Variants in KIF26B observed in about 807,000 individuals in gnomAD.
KIF26B encodes the protein kinesin family member 26B.
Under a neutral mutation model 151.2 loss-of-function variants are expected in KIF26B, and 63 were observed. That is an observed-to-expected ratio of 0.42 (90% CI 0.34 to 0.51). KIF26B has a LOEUF of 0.51. Ranked by LOEUF, KIF26B falls within the 20% of genes least tolerant of loss-of-function variation. KIF26B has a pLI of 0.07. For synonymous variants in KIF26B, 1,357 were observed against 1,262.1 expected (o/e 1.08, Z -1.59); for missense variants, 2,813 against 2,913.6 (o/e 0.97, Z 0.79).
chr1:245,285,408 C>T (rs1463244854), intron 2 of KIF26B, among the ~76,000 whole-genome samples: 17 of 152,164 alleles, frequency 1.1e-4, no homozygotes, highest in Admixed American at 1.1e-3. Flanking sequence ...GCGGCAAAGT[C>T]ACATGGCAGA....
intron 9 of KIF26B, chr1:245,614,995 C>T (rs1231143753): frequency 7.4e-6 from 1 of 134,428 alleles, no homozygotes; most frequent in African/African-American, 3.5e-5. Context: ...CCTTTAAAAT[C>T]GGATAGGGAT....
intron 2 of KIF26B, among the ~76,000 whole-genome samples, chr1:245,331,157 C>T (rs145369780): frequency 2.0e-5 from 3 of 152,130 alleles, no homozygotes; most frequent in African/African-American, 7.2e-5. Context: ...AGAGCAGAGC[C>T]TGCTGCGGAG....
intron 12 of KIF26B, among the ~76,000 whole-genome samples, chr1:245,692,120 C>T (rs2044632528): frequency 6.6e-6 from 1 of 152,262 alleles, no homozygotes; most frequent in South Asian, 2.1e-4. Context: ...GATGTCTTTT[C>T]CTTAGAGCAA....
At chr1:245,324,620 G>A (rs2102988450) in intron 2 of KIF26B, among the ~76,000 whole-genome samples, 1 of 152,156 alleles carries the variant, frequency 6.6e-6, no homozygotes, top group East Asian at 1.9e-4. Context: ...CAGGTCATTT[G>A]TCTATCTTCC....
At chr1:245,662,254 C>T (rs191524342) in intron 10 of KIF26B, among the ~76,000 whole-genome samples, 1 of 150,216 alleles carries the variant, frequency 6.7e-6, no homozygotes, top group Non-Finnish European at 1.5e-5. Flanking sequence ...TATCTATACA[C>T]ACACACACCC....
chr1:245,210,791 G>A (rs1010260143), intron 2 of KIF26B, among the ~76,000 whole-genome samples: 31 of 152,004 alleles, frequency 2.0e-4, no homozygotes, highest in African/African-American at 5.6e-4. Flanking sequence ...TCCCAAGCCC[G>A]TCCTCAGCCA....
At chr1:245,214,704 G>T (rs1195821274) in intron 2 of KIF26B, among the ~76,000 whole-genome samples, 2 of 152,114 alleles carry the variant, frequency 1.3e-5, no homozygotes, top group Admixed American at 1.3e-4. Context: ...GCTGGGCTTG[G>T]TGGTGCGCAC....
chr1:245,610,273 C>G (rs1328408072), intron 8 of KIF26B, among the ~76,000 whole-genome samples: 1 of 152,164 alleles, frequency 6.6e-6, no homozygotes, highest in Non-Finnish European at 1.5e-5. Flanking sequence ...CTCCCGTGGC[C>G]TGTTATACTC....
intron 2 of KIF26B, among the ~76,000 whole-genome samples, chr1:245,282,564 A>G (rs1322464216): frequency 6.6e-6 from 1 of 152,192 alleles, no homozygotes; most frequent in Non-Finnish European, 1.5e-5. Context: ...GCATTTGCAT[A>G]TTAGAAGGCT....
intron 2 of KIF26B, among the ~76,000 whole-genome samples, chr1:245,287,246 C>T (rs1671178561): frequency 6.6e-6 from 1 of 151,818 alleles, no homozygotes; most frequent in African/African-American, 2.4e-5. Context: ...GATTTCATTT[C>T]ATTTTTATTA....
chr1:245,435,170 T>C (rs113258759), intron 4 of KIF26B, among the ~76,000 whole-genome samples: 26 of 138,346 alleles, frequency 1.9e-4, no homozygotes, highest in African/African-American at 3.7e-4. Flanking sequence ...CATCCATCCA[T>C]CCACCCACCC....
At chr1:245,426,153 T>C (rs1658644491) in intron 4 of KIF26B, among the ~76,000 whole-genome samples, 1 of 152,148 alleles carries the variant, frequency 6.6e-6, no homozygotes, top group Non-Finnish European at 1.5e-5. Context: ...ATTGACTCTG[T>C]TACATTAGTT....
intron 2 of KIF26B, 104 bp from the exon 3 acceptor site, chr1:245,366,730 T>C: frequency 9.0e-7 from 1 of 1,106,440 alleles, no homozygotes. Context: ...ACTATCCAAC[T>C]CTTTGAGTAC....
intron 9 of KIF26B, 144 bp downstream of exon 9, chr1:245,612,120 G>GAC: frequency 1.3e-6 from 1 of 787,892 alleles, no homozygotes; most frequent in East Asian, 2.7e-5. Flanking sequence ...GAGAGAGAGA[G>GAC]AGAGAGAGAG....
intron 2 of KIF26B, among the ~76,000 whole-genome samples, chr1:245,341,313 T>G (rs1230266994): frequency 4.4e-5 from 3 of 67,750 alleles, no homozygotes; most frequent in African/African-American, 2.9e-4. Context: ...GTTTTTTTTT[T>G]TTTTTTTTTT....
rs148937841 is a variant in KIF26B at position 245,501,555 on chromosome 1, T to C, written c.1167-39212T>C. On this transcript the variant is annotated intron_variant, in intron 4 of 14. Transcript: ENST00000407071. ...TTACAAAGAGATGATAATCCTGCTTTAGAAGAGTTATCATGCCTGCAGAGG... is the reference window on the plus strand; with the variant it reads ...TTACAAAGAGATGATAATCCTGCTTCAGAAGAGTTATCATGCCTGCAGAGG... 1.4e-3 allele frequency among the ~76,000 whole-genome samples: 206 copies of C among 152,346 alleles called. 2 individuals are homozygous for C. In the South Asian group the frequency reaches 0.016, roughly 12 times the overall value.
intron 5 of KIF26B, among the ~76,000 whole-genome samples, chr1:245,559,780 A>C (rs1479335155): frequency 2.6e-5 from 4 of 151,736 alleles, no homozygotes; most frequent in African/African-American, 9.7e-5. Flanking sequence ...TCCTGGACTC[A>C]AGTGATCCTC....
At chr1:245,200,651 G>T (rs965005252) in intron 2 of KIF26B, among the ~76,000 whole-genome samples, 2 of 152,050 alleles carry the variant, frequency 1.3e-5, no homozygotes, top group Non-Finnish European at 2.9e-5. Context: ...TTCAGAAAGG[G>T]GTAAAAAATT....
At chr1:245,661,909 T>C (rs13374497) in intron 10 of KIF26B, among the ~76,000 whole-genome samples, 1 of 37,384 alleles carries the variant, frequency 2.7e-5, no homozygotes, top group Admixed American at 2.8e-4. Flanking sequence ...ATGATATACA[T>C]ACACACACTC....
Sources: allele counts gnomAD v4.1 joint callset (sites outside exome capture counted in the v4.1 genomes callset), GRCh38; gene constraint gnomAD v4.1.1; transcripts MANE v1.5; gene names NCBI Gene and HGNC (gene_info 2026-07-23, HGNC 2026-07-21).